The following DLGAP1 variants were observed in gnomAD, a reference collection of about 807,000 sequenced individuals.
DLGAP1 encodes DLG associated protein 1, also known as disks large-associated protein 1.
DLGAP1 carries 11 observed loss-of-function variants against 90.8 expected under a neutral mutation model. That is an observed-to-expected ratio of 0.12 (90% CI 0.08 to 0.20). The LOEUF is 0.20. Among genes scored for constraint, DLGAP1 ranks in the 10% least tolerant of loss-of-function variants. The pLI is 1.00. For missense variants in DLGAP1, 1,050 were observed against 1,333.8 expected (o/e 0.79, Z 3.31); for synonymous variants, 558 against 540.7 (o/e 1.03, Z -0.44).
At chr18:4,372,725 G>A (rs1474923582) in intron 1 of DLGAP1, among the ~76,000 whole-genome samples, 1 of 152,022 alleles carries the variant, frequency 6.6e-6, no homozygotes, top group East Asian at 1.9e-4. Flanking sequence ...TCAAGGGTTC[G>A]AGACAAGCCT....
chr18:4,196,795 A>G (rs1007965609), intron 1 of DLGAP1, among the ~76,000 whole-genome samples: 16 of 152,372 alleles, frequency 1.1e-4, no homozygotes, highest in African/African-American at 3.6e-4. Flanking sequence ...AGTGTTGTAT[A>G]TGTACACATT....
intron 1 of DLGAP1, among the ~76,000 whole-genome samples, chr18:4,382,749 T>C (rs2082155371): frequency 6.6e-6 from 1 of 152,188 alleles, no homozygotes; most frequent in East Asian, 1.9e-4. Flanking sequence ...CTGTATTCTT[T>C]GTTTTATATT....
intron 9 of DLGAP1, among the ~76,000 whole-genome samples, chr18:3,551,608 T>C (rs59235865): frequency 0.11 from 10,405 of 93,454 alleles, 703 homozygotes; most frequent in East Asian, 0.25. Flanking sequence ...TCTTTTTCTT[T>C]CTTTCTTTCT....
intron 7 of DLGAP1, chr18:3,597,683 G>C (rs1164251616): frequency 1.1e-5 from 2 of 177,890 alleles, no homozygotes; most frequent in African/African-American, 4.8e-5. Flanking sequence ...GCCAGGGCTT[G>C]ACCTGGTACA....
chr18:3,654,391 A>T lies in DLGAP1; in HGVS notation c.1592-72143T>A, dbSNP rs77461656. Among the ~76,000 whole-genome samples the T allele has an allele frequency of 2.3e-4, 35 of 152,292 alleles. 1 individual carries two copies. In the East Asian group the frequency reaches 6.6e-3, roughly 29 times the overall value. On this transcript the variant is annotated intron_variant, in intron 7 of 12. Coordinates refer to ENST00000315677, the MANE Select transcript of DLGAP1 (RefSeq NM_004746.4). Reference sequence around the variant, plus strand: ...GACACCCACTAATAACCTCTAGCAAAACAATAGTTTTAAAATTACTTAATG... The same window carrying T: ...GACACCCACTAATAACCTCTAGCAATACAATAGTTTTAAAATTACTTAATG...
intron 3 of DLGAP1, among the ~76,000 whole-genome samples, chr18:3,925,976 C>A (rs181853592): frequency 2.6e-5 from 4 of 152,176 alleles, no homozygotes; most frequent in Admixed American, 1.3e-4. Flanking sequence ...TCATACTTAT[C>A]ACACTGAGTT....
chr18:4,369,988 C>T (rs1010160529), intron 1 of DLGAP1, among the ~76,000 whole-genome samples: 15 of 151,756 alleles, frequency 9.9e-5, no homozygotes, highest in Non-Finnish European at 1.6e-4. Context: ...ATTGCTGTTA[C>T]AGAAGGAGAA....
At chr18:3,974,849 A>G (rs1056394791) in intron 3 of DLGAP1, among the ~76,000 whole-genome samples, 31 of 152,188 alleles carry the variant, frequency 2.0e-4, no homozygotes, top group Admixed American at 1.4e-3. Context: ...TTACATAGGT[A>G]GGAAATCCTG....
At chr18:4,047,475 A>T (rs1190299000) in intron 2 of DLGAP1, among the ~76,000 whole-genome samples, 1 of 152,268 alleles carries the variant, frequency 6.6e-6, no homozygotes, top group East Asian at 1.9e-4. Context: ...TGGATACAAG[A>T]AACAGACCAG....
chr18:3,605,899 G>A (rs1038637891), intron 7 of DLGAP1, among the ~76,000 whole-genome samples: 16 of 152,140 alleles, frequency 1.1e-4, no homozygotes, highest in African/African-American at 3.9e-4. Flanking sequence ...AGGACACTGA[G>A]TGCCACTAAC....
At chr18:3,838,538 T>G (rs928246547) in intron 4 of DLGAP1, among the ~76,000 whole-genome samples, 1 of 152,236 alleles carries the variant, frequency 6.6e-6, no homozygotes, top group Non-Finnish European at 1.5e-5. Context: ...AGCACTCTTT[T>G]GTGCTTACAG....
intron 1 of DLGAP1, among the ~76,000 whole-genome samples, chr18:4,284,574 G>A (rs1049387175): frequency 6.6e-6 from 1 of 152,158 alleles, no homozygotes; most frequent in Admixed American, 6.5e-5. Context: ...ATTATTACAG[G>A]TGATGCTGAA....
chr18:3,855,366 C>T (rs2148706034), intron 4 of DLGAP1, among the ~76,000 whole-genome samples: 1 of 152,158 alleles, frequency 6.6e-6, no homozygotes, highest in African/African-American at 2.4e-5. Context: ...ATAATCTGTA[C>T]ACCAAATCCC....
intron 1 of DLGAP1, among the ~76,000 whole-genome samples, chr18:4,205,461 C>G (rs1208027663): frequency 6.6e-6 from 1 of 152,150 alleles, no homozygotes; most frequent in Admixed American, 6.5e-5. Context: ...GATATGATAG[C>G]CACTATCTAC....
At chr18:3,585,917 A>G (rs571356814) in intron 7 of DLGAP1, among the ~76,000 whole-genome samples, 1 of 152,328 alleles carries the variant, frequency 6.6e-6, no homozygotes, top group South Asian at 2.1e-4. Context: ...GGGAGGGGCT[A>G]GTTCACATTG....
chr18:3,875,749 C>T (rs1018826572), intron 4 of DLGAP1, among the ~76,000 whole-genome samples: 3 of 152,122 alleles, frequency 2.0e-5, no homozygotes, highest in Non-Finnish European at 2.9e-5. Context: ...GAAAATAGTT[C>T]TAATTAGTAC....
At chr18:3,969,226 A>T (rs2149000536) in intron 3 of DLGAP1, among the ~76,000 whole-genome samples, 1 of 152,312 alleles carries the variant, frequency 6.6e-6, no homozygotes, top group Non-Finnish European at 1.5e-5. Flanking sequence ...CAGCAATTCT[A>T]TTAAAAACAA....
At chr18:3,981,570 G>T (rs977628888) in intron 3 of DLGAP1, among the ~76,000 whole-genome samples, 3 of 152,210 alleles carry the variant, frequency 2.0e-5, no homozygotes, top group African/African-American at 7.2e-5. Context: ...AGGGATGGCA[G>T]GTGATGCCCC....
At chr18:4,079,878 GGAGA>G (rs2075580185) in intron 2 of DLGAP1, among the ~76,000 whole-genome samples, 1 of 152,060 alleles carries the variant, frequency 6.6e-6, no homozygotes, top group Non-Finnish European at 1.5e-5. Flanking sequence ...GCCTTGTCAA[GGAGA>G]GAGAAAAGAA....
Sources: gnomAD v4.1 joint callset for allele counts (sites outside exome capture counted in the v4.1 genomes callset) on GRCh38, gnomAD v4.1.1 for gene constraint, MANE v1.5 for transcripts, NCBI Gene and HGNC (gene_info 2026-07-23, HGNC 2026-07-21) for gene names.